Variants in LRRC43 observed in about 807,000 individuals in gnomAD.
LRRC43 encodes leucine rich repeat containing 43, also known as leucine-rich repeat-containing protein 43.
In LRRC43, 62 loss-of-function variants were observed where a neutral mutation model predicts 64.3. The ratio of observed to expected loss-of-function variants is 0.96; its 90% CI spans 0.79 to 1.19. LRRC43 has a LOEUF of 1.19. Ranked by LOEUF, LRRC43 falls within the 50% of genes most tolerant of loss-of-function variation. LRRC43 has a pLI of 0.00. For missense variants in LRRC43, 868 were observed against 845.0 expected, an observed-to-expected ratio of 1.03 and a Z score of -0.34; for synonymous variants, 422 against 382.3, an observed-to-expected ratio of 1.10 and a Z score of -1.21.
In LRRC43 at chr12:122,183,177, CGAGTCT is replaced by C. The variant is rs1422030059; in HGVS notation, c.37_42del (p.Ser13_Glu14del). ...CGTCGTACGAGTCCGAGTCCGAGTC[CGAGTCT>C]GAGGCCGGGCCTGGGACTCAGCGGC... On this transcript the variant is annotated inframe_deletion, in exon 1 of 12. Transcript: ENST00000339777. The C allele has an allele frequency of 1.2e-5, 18 of 1,556,502 alleles. No homozygotes were observed. The highest frequency in any genetic ancestry group is 1.6e-5 in the Non-Finnish European group (18 of 1,158,440).
intron 4 of LRRC43, chr12:122,189,594 AG>A (rs1448176891): frequency 4.1e-5 from 17 of 419,666 alleles, no homozygotes; most frequent in South Asian, 6.8e-5. Context: ...GGCCCCTCCC[AG>A]GCCCCTTTCC....
rs761659580 is a variant in LRRC43 at position 122,193,012 on chromosome 12, T to C, written c.1349+8T>C. On this transcript the variant is annotated splice_region_variant and intron_variant, in intron 7 of 11. Transcript: ENST00000339777. ...GCTCTGCCCGTCCCCAGGGTAAGGA[T>C]GGAAATCTGAACCAGGGCAAGTGGT... The C allele has an allele frequency of 3.1e-6, 5 of 1,612,400 alleles. No individual in the cohort carries two copies. The highest frequency in any genetic ancestry group is 4.2e-6 in the Non-Finnish European group (5 of 1,179,264).
Position 122,200,710 on chromosome 12 carries a change from A to G in LRRC43, c.1621-36A>G. On this transcript the variant is annotated intron_variant, in intron 9 of 11. Coordinates refer to ENST00000339777, the MANE Select transcript of LRRC43 (RefSeq NM_001098519.2). This position sits in a 1 kb window ranked among gnomAD's most constrained non-coding sequence, Gnocchi z 4.6. ...GGCAGCCTGGCCACACCCTTGCTTC[A>G]ACTTGTCCCACCCTCCTGTCCTCCC... 1 of 1,613,162 alleles carries G rather than the reference A, an allele frequency of 6.2e-7. No individual in the cohort carries two copies. Among genetic ancestry groups the G allele is most frequent in the Non-Finnish European group, 8.5e-7 (1 of 1,179,888 alleles).
At chr12:122,169,227 T>A (rs1953464590) in intron 1 of LRRC43, among the ~76,000 whole-genome samples, 2 of 152,288 alleles carry the variant, frequency 1.3e-5, no homozygotes, top group South Asian at 4.1e-4. Context: ...ATCGAAGATT[T>A]GTGGACATAT....
chr12:122,203,283 C>T lies in LRRC43; in HGVS notation c.1844-32C>T, dbSNP rs200001520. 2,987 of 1,603,108 alleles carry T rather than the reference C, an allele frequency of 1.9e-3. 10 individuals are homozygous for T. The highest frequency in any genetic ancestry group is 2.0e-3 in the Non-Finnish European group (2,377 of 1,177,192). ...CGAGAACGCCAGCCCATCCGTCTCC[C>T]GGGGCTCATGCTCGCACTTAAATTT... On this transcript the variant is annotated intron_variant, in intron 11 of 11. Coordinates refer to ENST00000339777, the MANE Select transcript of LRRC43 (RefSeq NM_001098519.2).
At chr12:122,188,492 A>G (rs934244164) in intron 4 of LRRC43, among the ~76,000 whole-genome samples, 1 of 150,326 alleles carries the variant, frequency 6.7e-6, no homozygotes, top group Non-Finnish European at 1.5e-5. Context: ...CCCAGGCTAG[A>G]GTGCTGTGCG....
intron 7 of LRRC43, among the ~76,000 whole-genome samples, chr12:122,195,550 A>G (rs1188489232): frequency 6.6e-6 from 1 of 152,008 alleles, no homozygotes; most frequent in Non-Finnish European, 1.5e-5. Flanking sequence ...CTACCCTAGA[A>G]CTTTGAATAT....
Position 122,192,739 on chromosome 12 carries a change from C to T in LRRC43, c.1090-6C>T. ...GCCTTGGACGAGTTTCTGTCTCTTC[C>T]TGCAGATCGTCAAGCCCTCTCCCAG... is the stretch of plus-strand genomic sequence containing the variant. On this transcript the variant is annotated splice_polypyrimidine_tract_variant and splice_region_variant and intron_variant, in intron 6 of 11. Transcript: ENST00000339777. 1 of 1,611,482 alleles carries T rather than the reference C, an allele frequency of 6.2e-7. No homozygotes were observed. The highest frequency in any genetic ancestry group is 8.5e-7 in the Non-Finnish European group (1 of 1,177,832).
intron 7 of LRRC43, among the ~76,000 whole-genome samples, chr12:122,194,835 T>C (rs780882734): frequency 2.6e-5 from 4 of 152,194 alleles, no homozygotes; most frequent in Non-Finnish European, 5.9e-5. Context: ...GTTGTTATGG[T>C]CAAATATATT....
In LRRC43 at chr12:122,184,405, T is replaced by C; in HGVS notation, c.151-114T>C. On this transcript the variant is annotated intron_variant, in intron 1 of 11. Coordinates refer to ENST00000339777, the MANE Select transcript of LRRC43 (RefSeq NM_001098519.2). The surrounding 1 kb of genome is among the most constrained non-coding windows in gnomAD (Gnocchi z 4.0). Reference sequence around the variant, plus strand: ...CACCGCACCTGGCCTACTCTCTAGATTTCTAAACTCTATCCCTAATCGTCC... The same window carrying C: ...CACCGCACCTGGCCTACTCTCTAGACTTCTAAACTCTATCCCTAATCGTCC... 1 of 1,366,294 alleles carries C rather than the reference T, an allele frequency of 7.3e-7. No individual in the cohort carries two copies. Among genetic ancestry groups the C allele is most frequent in the Non-Finnish European group, 9.9e-7 (1 of 1,015,084 alleles). 84.6% of individuals were successfully genotyped at this position (1,366,294 alleles called of 1,614,324 possible).
intron 1 of LRRC43, among the ~76,000 whole-genome samples, chr12:122,173,426 G>A (rs573679734): frequency 2.5e-4 from 38 of 152,350 alleles, no homozygotes; most frequent in Non-Finnish European, 3.8e-4. Context: ...GCTCACGCCT[G>A]TAATCCCAGC....
upstream of LRRC43, among the ~76,000 whole-genome samples, chr12:122,181,522 G>T (rs150823250): frequency 8.6e-3 from 1,290 of 150,286 alleles, 15 homozygotes; most frequent in African/African-American, 0.025. Context: ...CAGCCTGGAC[G>T]GCAGAGGGAG....
At chr12:122,201,436 T>C (rs1322412586) in intron 11 of LRRC43, 107 bp downstream of exon 11, 3 of 994,950 alleles carry the variant, frequency 3.0e-6, no homozygotes, top group Non-Finnish European at 4.8e-6. Flanking sequence ...TGGTAGCTTC[T>C]GGCCTGGGGA....
chr12:122,200,459 A>G lies in LRRC43; in HGVS notation c.1492-73A>G. ...ATGAGTTCTCAGCGCCATTCCAGAA[A>G]GGGTGAGGGAGAGGTGACCCCAGGC... On this transcript the variant is annotated intron_variant, in intron 8 of 11. Transcript: ENST00000339777. This position sits in a 1 kb window ranked among gnomAD's most constrained non-coding sequence, Gnocchi z 4.6. 1.2e-6 allele frequency: 2 copies of G among 1,611,402 alleles called. No homozygotes were observed. The highest frequency in any genetic ancestry group is 1.1e-5 in the South Asian group (1 of 90,732).
intron 7 of LRRC43, among the ~76,000 whole-genome samples, chr12:122,195,977 G>A (rs962269306): frequency 3.3e-5 from 5 of 152,208 alleles, no homozygotes; most frequent in South Asian, 2.1e-4. Context: ...TTCCCCTAGC[G>A]CCCATGAGGT....
intron 1 of LRRC43, among the ~76,000 whole-genome samples, chr12:122,169,933 A>G (rs1186069287): frequency 6.6e-6 from 1 of 151,864 alleles, no homozygotes; most frequent in Admixed American, 6.6e-5. Context: ...CAGCCTCCCA[A>G]GTAGCTGGGA....
chr12:122,174,329 A>G, intron 1 of LRRC43: 2 of 843,522 alleles, frequency 2.4e-6, no homozygotes, highest in Middle Eastern at 2.9e-4. Context: ...TCCAGAAAAC[A>G]CTCAAAAGTT....
intron 6 of LRRC43, 86 bp from the exon 7 acceptor site, chr12:122,192,659 G>A (rs953302265): frequency 2.6e-5 from 39 of 1,484,698 alleles, no homozygotes; most frequent in African/African-American, 1.8e-4. Context: ...TCCAGATGTC[G>A]GGAGCTGTGT....
At position 122,184,672 on chromosome 12, in the gene LRRC43, A is replaced by G; in HGVS notation, c.304A>G (p.Asn102Asp). ...CCCCTGGGCTCTGCTGAACAACTCG[A>G]ATGCAGAAGACAGTTTCCTGAGAGA... ...HSPWALLNNS[N>D]AEDSFLRELA... Residue 102 changes from asparagine to aspartate, a missense_variant, in exon 2 of 12, where the codon AAT becomes GAT. Coordinates refer to ENST00000339777, the MANE Select transcript of LRRC43 (RefSeq NM_001098519.2). This position sits in a 1 kb window ranked among gnomAD's most constrained non-coding sequence, Gnocchi z 4.0. 6.2e-7 allele frequency: 1 copy of G among 1,613,980 alleles called. No homozygotes were observed. Among genetic ancestry groups the G allele is most frequent in the Non-Finnish European group, 8.5e-7 (1 of 1,179,872 alleles).
Sources: gnomAD v4.1 joint callset for allele counts (sites outside exome capture counted in the v4.1 genomes callset) on GRCh38, gnomAD v4.1.1 for gene constraint, Gnocchi (gnomAD v3.1) non-coding constraint, MANE v1.5 for transcripts, NCBI Gene and HGNC (gene_info 2026-07-23, HGNC 2026-07-21) for gene names.